Variants in TCF7L2 observed in about 807,000 individuals in gnomAD.
TCF7L2 encodes transcription factor 7-like 2.
A neutral mutation model predicts 77.9 loss-of-function variants in TCF7L2; 23 were observed. That is an observed-to-expected ratio of 0.30 (90% confidence interval 0.21 to 0.42). TCF7L2 has a LOEUF of 0.42. Among genes scored for constraint, TCF7L2 ranks in the 10% least tolerant of loss-of-function variants. The pLI is 1.00. For synonymous variants in TCF7L2, 413 were observed against 340.2 expected, an observed-to-expected ratio of 1.21 and a Z score of -2.36; for missense variants, 654 against 793.1, an observed-to-expected ratio of 0.82 and a Z score of 2.11.
At chr10:113,005,803 T>G (rs955766796) in intron 4 of TCF7L2, among the ~76,000 whole-genome samples, 1 of 152,144 alleles carries the variant, frequency 6.6e-6, no homozygotes, top group Admixed American at 6.5e-5. Flanking sequence ...AAAATACTCT[T>G]GAGTGGTTTG....
intron 3 of TCF7L2, among the ~76,000 whole-genome samples, chr10:112,963,309 A>G (rs1302878615): frequency 6.6e-6 from 1 of 152,146 alleles, no homozygotes; most frequent in Non-Finnish European, 1.5e-5. Context: ...TTTATTTTTT[A>G]AAACTGTGTG....
At chr10:113,044,831 G>T (rs1472613485) in intron 5 of TCF7L2, among the ~76,000 whole-genome samples, 2 of 152,202 alleles carry the variant, frequency 1.3e-5, no homozygotes, top group African/African-American at 2.4e-5. Context: ...GAGGCTAGAG[G>T]TCGGGCAGGG....
chr10:112,979,573 C>G (rs893345932), intron 4 of TCF7L2, among the ~76,000 whole-genome samples: 1 of 151,850 alleles, frequency 6.6e-6, no homozygotes, highest in African/African-American at 2.4e-5. Context: ...CCTGGCCAAC[C>G]TGGTGAAATC....
intron 5 of TCF7L2, among the ~76,000 whole-genome samples, chr10:113,048,572 C>T (rs1447909151): frequency 6.6e-6 from 1 of 152,192 alleles, no homozygotes; most frequent in Non-Finnish European, 1.5e-5. Context: ...CTACTTTCTA[C>T]CTGATGGGAT....
At position 112,967,863 on chromosome 10, in the gene TCF7L2, G is replaced by A. The variant is rs565656964; in HGVS notation, c.450+3239G>A. Among the ~76,000 whole-genome samples the A allele has an allele frequency of 7.9e-5, 12 of 152,150 alleles. 1 individual carries two copies. The highest frequency in any genetic ancestry group is 2.4e-4 in the African/African-American group (10 of 41,504). On this transcript the variant is annotated intron_variant, in intron 4 of 13. Coordinates refer to ENST00000627217, the MANE Select transcript of TCF7L2 (RefSeq NM_001146274.2). ...TTGGTCAGGCTGGTCTCGAACTCCC[G>A]ACCTCAGGTGATCCTCCTGCCTCGG...
chr10:113,140,842 C>T (rs11196240), intron 5 of TCF7L2, among the ~76,000 whole-genome samples: 1 of 152,146 alleles, frequency 6.6e-6, no homozygotes, highest in Non-Finnish European at 1.5e-5. Flanking sequence ...CATGTGGAAA[C>T]GCAGTAGGCA....
chr10:113,157,244 G>A (rs554662253), intron 11 of TCF7L2, among the ~76,000 whole-genome samples: 2 of 152,158 alleles, frequency 1.3e-5, no homozygotes, highest in East Asian at 1.9e-4. Context: ...TCGGCCTCCC[G>A]AGTAGCTGGG....
chr10:113,115,623 T>C (rs909018405), intron 5 of TCF7L2, among the ~76,000 whole-genome samples: 3 of 152,272 alleles, frequency 2.0e-5, no homozygotes, highest in African/African-American at 7.2e-5. Context: ...CCCACCAAGT[T>C]GTTTGATGCT....
At chr10:112,998,411 A>G (rs951355896) in intron 4 of TCF7L2, among the ~76,000 whole-genome samples, 2 of 152,212 alleles carry the variant, frequency 1.3e-5, no homozygotes, top group African/African-American at 2.4e-5. Flanking sequence ...AGAAAAAGGG[A>G]GAAAGCAGGA....
intron 5 of TCF7L2, chr10:113,126,906 G>T (rs562437343): frequency 3.0e-6 from 3 of 985,316 alleles, no homozygotes; most frequent in Non-Finnish European, 3.6e-6. Flanking sequence ...CGGCGGGCGG[G>T]CGGGCAGGGG....
chr10:113,121,033 G>T (rs1359966781), intron 5 of TCF7L2, among the ~76,000 whole-genome samples: 2 of 152,114 alleles, frequency 1.3e-5, no homozygotes, highest in Non-Finnish European at 2.9e-5. Context: ...GAGGGAGTAT[G>T]GTCAAATGAA....
chr10:112,974,577 G>C (rs1436360147), intron 4 of TCF7L2, among the ~76,000 whole-genome samples: 1 of 152,094 alleles, frequency 6.6e-6, no homozygotes, highest in Non-Finnish European at 1.5e-5. Context: ...CGAGTGGCTG[G>C]GATTACAGGT....
At chr10:113,164,417 C>T (rs2073718596) in intron 13 of TCF7L2, among the ~76,000 whole-genome samples, 1 of 152,122 alleles carries the variant, frequency 6.6e-6, no homozygotes, top group Non-Finnish European at 1.5e-5. Context: ...AAGGTCCATG[C>T]TGCGATTCCC....
Position 113,165,862 on chromosome 10 carries a change from G to GT in TCF7L2, c.1699_1700insT (p.Ala567ValfsTer42). 6.2e-7 allele frequency: 1 copy of GT among 1,605,986 alleles called. No homozygotes were observed. The highest frequency in any genetic ancestry group is 8.5e-7 in the Non-Finnish European group (1 of 1,175,316). On this transcript the variant is annotated frameshift_variant, in exon 14 of 14. Transcript: ENST00000627217. LOFTEE classifies it high-confidence loss of function. ...GCCCCCAGCCGCTTTGCAGCCTGCC[G>GT]CCCCCTCCTCATCAATTGCACAGCC... is the stretch of plus-strand genomic sequence containing the variant.
In TCF7L2 at chr10:113,151,194, G is replaced by T. The variant is rs1049967570; in HGVS notation, c.1001+71G>T. ...TGCAAGCCTGTTGCAGCTGCTGGGT[G>T]GTGGCTTTCTGCCTAAGGTTGGCCT... On this transcript the variant is annotated intron_variant, in intron 9 of 13. Transcript: ENST00000627217. This position sits in a 1 kb window ranked among gnomAD's most constrained non-coding sequence, Gnocchi z 5.2. The T allele has an allele frequency of 3.3e-5, 53 of 1,603,962 alleles. No homozygotes were observed. Among genetic ancestry groups the T allele is most frequent in the Non-Finnish European group, 3.8e-5 (45 of 1,173,678 alleles).
Position 113,146,626 on chromosome 10 carries a change from T to G in TCF7L2, c.875+529T>G, listed in dbSNP as rs112102649. 2.8e-4 allele frequency among the ~76,000 whole-genome samples: 42 copies of G among 151,918 alleles called. 1 individual carries two copies. The highest frequency in any genetic ancestry group is 9.6e-4 in the African/African-American group (40 of 41,462). Reference sequence around the variant, plus strand: ...GTGTTTTTAAAAAAGTTTTTGTTTTTTTTTTTTTAAAAAAAAGATAAAGTT... The same window carrying G: ...GTGTTTTTAAAAAAGTTTTTGTTTTGTTTTTTTTAAAAAAAAGATAAAGTT... On this transcript the variant is annotated intron_variant, in intron 8 of 13. Coordinates refer to ENST00000627217, the MANE Select transcript of TCF7L2 (RefSeq NM_001146274.2).
chr10:113,043,376 T>C (rs1434177690), intron 5 of TCF7L2, among the ~76,000 whole-genome samples: 1 of 152,258 alleles, frequency 6.6e-6, no homozygotes, highest in Non-Finnish European at 1.5e-5. Context: ...GAGGTCAACT[T>C]ATCAAATGAT....
intron 13 of TCF7L2, 132 bp from the exon 15 acceptor site, chr10:113,165,423 C>T (rs916054808): frequency 9.8e-6 from 10 of 1,015,494 alleles, no homozygotes; most frequent in Non-Finnish European, 3.0e-6. Flanking sequence ...TGTAATTGTC[C>T]TCGGACCACT....
intron 5 of TCF7L2, among the ~76,000 whole-genome samples, chr10:113,140,244 AG>A (rs1254517103): frequency 1.3e-5 from 2 of 151,836 alleles, no homozygotes; most frequent in Non-Finnish European, 2.9e-5. Context: ...TGGAGTGGGG[AG>A]GGGTGGACTG....
Sources: gnomAD v4.1 joint callset for allele counts (sites outside exome capture counted in the v4.1 genomes callset) on GRCh38, gnomAD v4.1.1 for gene constraint, Gnocchi (gnomAD v3.1) non-coding constraint, MANE v1.5 for transcripts, NCBI Gene and HGNC (gene_info 2026-07-23, HGNC 2026-07-21) for gene names.